Variants in RGS5 observed in about 807,000 individuals in gnomAD.
The protein encoded by RGS5 is regulator of G protein signaling 5, also known as regulator of G-protein signalling 5.
Under a neutral mutation model 18.9 loss-of-function variants are expected in RGS5, and 20 were observed. The observed-to-expected ratio is 1.06, with a 90% CI of 0.74 to 1.54. The LOEUF (loss-of-function observed/expected upper bound fraction) is 1.54, where lower values mean the gene tolerates loss of function less well. Ranked by LOEUF, RGS5 falls within the 40% of genes most tolerant of loss-of-function variation. RGS5 has a pLI of 0.00. For synonymous variants in RGS5, 57 were observed against 76.2 expected, an observed-to-expected ratio of 0.75 and a Z score of 1.31; for missense variants, 201 against 211.8, an observed-to-expected ratio of 0.95 and a Z score of 0.32.
intron 2 of RGS5, among the ~76,000 whole-genome samples, chr1:163,233,877 A>C (rs774264210): frequency 3.3e-5 from 5 of 152,204 alleles, no homozygotes; most frequent in Non-Finnish European, 7.3e-5. Flanking sequence ...TTGATCAGTT[A>C]GGGTGGGGCA....
At chr1:163,265,259 A>G (rs1472386118) in intron 2 of RGS5, among the ~76,000 whole-genome samples, 2 of 152,162 alleles carry the variant, frequency 1.3e-5, no homozygotes, top group Admixed American at 1.3e-4. Context: ...AAAAAAGGCC[A>G]GTAGACAAGA....
At chr1:163,236,809 A>C (rs1557915018) in intron 2 of RGS5, among the ~76,000 whole-genome samples, 1 of 152,126 alleles carries the variant, frequency 6.6e-6, no homozygotes, top group Admixed American at 6.5e-5. Flanking sequence ...AAAAATACAA[A>C]AATTAGCTGG....
intron 1 of RGS5, among the ~76,000 whole-genome samples, chr1:163,191,819 C>T (rs1659370710): frequency 6.6e-6 from 1 of 152,166 alleles, no homozygotes; most frequent in Non-Finnish European, 1.5e-5. Flanking sequence ...AAAAACCAAA[C>T]TATGATGAGA....
intron 2 of RGS5, among the ~76,000 whole-genome samples, chr1:163,288,170 C>A (rs548511057): frequency 1.3e-5 from 2 of 151,338 alleles, no homozygotes; most frequent in East Asian, 3.9e-4. Context: ...TACTGTAGAA[C>A]CTACAAATTT....
intron 2 of RGS5, among the ~76,000 whole-genome samples, chr1:163,242,637 A>C (rs941294112): frequency 2.6e-5 from 4 of 152,214 alleles, no homozygotes; most frequent in African/African-American, 9.6e-5. Context: ...GACAGCATAA[A>C]AAAGGTGCAC....
chr1:163,148,716 A>G (rs563118959), intron 4 of RGS5, among the ~76,000 whole-genome samples: 18 of 152,290 alleles, frequency 1.2e-4, no homozygotes, highest in African/African-American at 3.6e-4. Context: ...CAACCATACT[A>G]GGGTCTACGT....
chr1:163,166,111 A>AAGC (rs199602695), intron 2 of RGS5, among the ~76,000 whole-genome samples: 61 of 56,502 alleles, frequency 1.1e-3, no homozygotes, highest in Non-Finnish European at 1.7e-3. Context: ...AAAGGCATAG[A>AAGC]AGCAGGAGAG....
At chr1:163,253,533 C>A (rs1001561432) in intron 2 of RGS5, among the ~76,000 whole-genome samples, 21 of 151,604 alleles carry the variant, frequency 1.4e-4, no homozygotes, top group African/African-American at 4.4e-4. Context: ...TGGTCTTGAA[C>A]CCCTGACCTC....
Position 163,257,587 on chromosome 1 carries a change from C to CT in RGS5, c.-281+48645dup, listed in dbSNP as rs1297157353. Among the ~76,000 whole-genome samples the CT allele has an allele frequency of 2.0e-5, 3 of 152,112 alleles. No individual in the cohort carries two copies. The South Asian group carries it at 6.2e-4, about 32-fold the overall frequency. On this transcript the variant is annotated intron_variant, in intron 2 of 5. Transcript: ENST00000618415. The stretch of plus-strand genomic sequence containing the variant: ...TATGTTCTCTTTTGTATCTATTTTG[C>CT]TTTTAATACAGGGGACTTTAGTTGA...
chr1:163,170,865 A>G (rs893317876), intron 1 of RGS5, among the ~76,000 whole-genome samples: 6 of 152,200 alleles, frequency 3.9e-5, no homozygotes, highest in Non-Finnish European at 7.3e-5. Flanking sequence ...GTGAATTAGA[A>G]TAAGTGTCGC....
chr1:163,270,424 G>A (rs1008175813), intron 2 of RGS5, among the ~76,000 whole-genome samples: 3 of 151,394 alleles, frequency 2.0e-5, no homozygotes. Flanking sequence ...GGAGGCTGAG[G>A]TGGGAGTATT....
chr1:163,245,193 G>C (rs1349581364), intron 2 of RGS5, among the ~76,000 whole-genome samples: 2 of 152,166 alleles, frequency 1.3e-5, no homozygotes, highest in African/African-American at 4.8e-5. Context: ...AGGATGGGTA[G>C]TCTATCGTCT....
chr1:163,152,428 G>A (rs1396709188), intron 4 of RGS5, 122 bp downstream of exon 4: 2 of 974,850 alleles, frequency 2.1e-6, no homozygotes. Context: ...TGCTTAATAA[G>A]GTGGTCGACT....
chr1:163,246,661 G>A (rs926840755), intron 2 of RGS5, among the ~76,000 whole-genome samples: 3 of 152,158 alleles, frequency 2.0e-5, no homozygotes, highest in Non-Finnish European at 4.4e-5. Flanking sequence ...TCATTGGGAA[G>A]AACAGTTCTT....
intron 2 of RGS5, among the ~76,000 whole-genome samples, chr1:163,291,379 A>G (rs1375372751): frequency 1.3e-5 from 2 of 152,106 alleles, no homozygotes; most frequent in Non-Finnish European, 2.9e-5. Context: ...GGAGCCATTT[A>G]GTTTATAGTT....
intron 3 of RGS5, among the ~76,000 whole-genome samples, chr1:163,154,543 T>G (rs1657510276): frequency 6.6e-6 from 1 of 151,952 alleles, no homozygotes; most frequent in African/African-American, 2.4e-5. Context: ...AATAAACAAT[T>G]TTCAACACTT....
intron 2 of RGS5, among the ~76,000 whole-genome samples, chr1:163,167,276 G>A (rs1419007649): frequency 2.0e-5 from 3 of 152,204 alleles, no homozygotes; most frequent in Non-Finnish European, 4.4e-5. Context: ...ACACTTCTGT[G>A]ATATCCTCAA....
chr1:163,159,306 A>C (rs1467683759), intron 3 of RGS5, among the ~76,000 whole-genome samples: 2 of 152,200 alleles, frequency 1.3e-5, no homozygotes, highest in East Asian at 3.9e-4. Flanking sequence ...AAGAAAGGGT[A>C]TTGATTGGGG....
At chr1:163,240,012 G>GA (rs536798866) in intron 2 of RGS5, among the ~76,000 whole-genome samples, 81 of 150,124 alleles carry the variant, frequency 5.4e-4, no homozygotes, top group African/African-American at 2.0e-3. Context: ...AAAAGAACTT[G>GA]AAAAAAGGTA....
Sources: allele counts gnomAD v4.1 joint callset (sites outside exome capture counted in the v4.1 genomes callset), GRCh38; gene constraint gnomAD v4.1.1; transcripts MANE v1.5; gene names NCBI Gene and HGNC (gene_info 2026-07-23, HGNC 2026-07-21).